Variants in EDIL3 observed in about 807,000 individuals in gnomAD.
EDIL3 encodes the protein EGF-like repeat and discoidin I-like domain-containing protein 3.
A neutral mutation model predicts 67.4 loss-of-function variants in EDIL3; 37 were observed. That is an observed-to-expected ratio of 0.55 (90% CI 0.42 to 0.72). EDIL3 has a LOEUF of 0.72. Ranked by LOEUF, EDIL3 falls within the 30% of genes least tolerant of loss-of-function variation. The probability of loss-of-function intolerance (pLI) is 0.00; values close to 1 mark genes in which losing one functional copy is unlikely to be tolerated. For synonymous variants in EDIL3, 195 were observed against 196.3 expected (o/e 0.99, Z 0.05); for missense variants, 527 against 586.3 (o/e 0.90, Z 1.04).
chr5:84,384,287 G>A (rs375147226), intron 1 of EDIL3, 21 bp downstream of exon 1: 1 of 1,604,880 alleles, frequency 6.2e-7, no homozygotes, highest in South Asian at 1.1e-5. Flanking sequence ...TCACCCAGCT[G>A]TCCGGGTCCC....
At chr5:83,954,833 C>T (rs1041766530) in intron 10 of EDIL3, among the ~76,000 whole-genome samples, 1 of 151,704 alleles carries the variant, frequency 6.6e-6, no homozygotes, top group African/African-American at 2.4e-5. Flanking sequence ...AAAATAGCAT[C>T]GTAGTTTTTT....
At chr5:84,210,644 C>T (rs1245748999) in intron 3 of EDIL3, among the ~76,000 whole-genome samples, 2 of 151,802 alleles carry the variant, frequency 1.3e-5, no homozygotes, top group African/African-American at 2.4e-5. Context: ...AATTTTTACC[C>T]ATAACTCACT....
At chr5:84,186,336 A>C (rs1250947788) in intron 3 of EDIL3, among the ~76,000 whole-genome samples, 1 of 152,064 alleles carries the variant, frequency 6.6e-6, no homozygotes, top group Non-Finnish European at 1.5e-5. Flanking sequence ...TGTTTCCCCC[A>C]CTAATTTCAG....
intron 5 of EDIL3, among the ~76,000 whole-genome samples, chr5:84,131,964 G>A (rs1047274149): frequency 4.0e-5 from 6 of 151,890 alleles, no homozygotes; most frequent in Non-Finnish European, 8.8e-5. Flanking sequence ...TGGGCACCGT[G>A]GCTCACACCT....
At chr5:84,243,369 C>T (rs1367304265) in intron 2 of EDIL3, among the ~76,000 whole-genome samples, 1 of 152,208 alleles carries the variant, frequency 6.6e-6, no homozygotes, top group Non-Finnish European at 1.5e-5. Flanking sequence ...AAGCCAGAGG[C>T]TGTGCTGTGA....
intron 9 of EDIL3, among the ~76,000 whole-genome samples, chr5:83,975,458 G>T (rs572519241): frequency 2.0e-5 from 3 of 151,864 alleles, no homozygotes; most frequent in Non-Finnish European, 2.9e-5. Context: ...ATGTATTCAA[G>T]ATTTTAAAAA....
rs183135459 is a variant in EDIL3 at position 84,046,594 on chromosome 5, A to G, written c.1137+13706T>C. Among the ~76,000 whole-genome samples, 329 of 152,344 alleles carry G rather than the reference A, an allele frequency of 2.2e-3. 3 individuals are homozygous for G. Among genetic ancestry groups the G allele is most frequent in the African/African-American group, 7.6e-3 (316 of 41,576 alleles). ...AGACAAAATGAGATTACTGATTACAATTGATTCTAATTTTATTTAAAAGCC... is the reference window on the plus strand; with the variant it reads ...AGACAAAATGAGATTACTGATTACAGTTGATTCTAATTTTATTTAAAAGCC... On this transcript the variant is annotated intron_variant, in intron 9 of 10. Transcript: ENST00000296591.
rs558768275 is a variant in EDIL3, at chr5:84,125,084, A to G, written c.469+12157T>C. ...AGAAGCAAAAGTTCTAAAAGACTAT[A>G]GGGTCTACAAATAGGAATAATGAGA... On this transcript the variant is annotated intron_variant, in intron 5 of 10. Coordinates refer to ENST00000296591, the MANE Select transcript of EDIL3 (RefSeq NM_005711.5). 2.2e-4 allele frequency among the ~76,000 whole-genome samples: 34 copies of G among 152,140 alleles called. No individual in the cohort carries two copies. The South Asian group carries it at 3.5e-3, about 16-fold the overall frequency.
intron 1 of EDIL3, among the ~76,000 whole-genome samples, chr5:84,259,136 T>C (rs1032238886): frequency 5.9e-5 from 9 of 152,038 alleles, no homozygotes; most frequent in Non-Finnish European, 1.3e-4. Flanking sequence ...ATTTTCTGTA[T>C]TTTTAGTAGA....
chr5:84,153,872 A>C (rs1390600535), intron 4 of EDIL3, among the ~76,000 whole-genome samples: 1 of 152,124 alleles, frequency 6.6e-6, no homozygotes, highest in Non-Finnish European at 1.5e-5. Context: ...ACAATCACAA[A>C]ACCTCCATGG....
chr5:84,175,710 C>A (rs1239336227), intron 4 of EDIL3, among the ~76,000 whole-genome samples: 1 of 152,144 alleles, frequency 6.6e-6, no homozygotes, highest in Non-Finnish European at 1.5e-5. Flanking sequence ...CAGGTCCAAC[C>A]AGAATTCCTC....
chr5:84,344,212 AT>A (rs1365401094), intron 1 of EDIL3, among the ~76,000 whole-genome samples: 5 of 152,030 alleles, frequency 3.3e-5, no homozygotes, highest in African/African-American at 1.2e-4. Context: ...GTTGTGAAGA[AT>A]TATGTTTATA....
chr5:84,366,238 G>A lies in EDIL3; in HGVS notation c.67+18070C>T, dbSNP rs552632301. Among the ~76,000 whole-genome samples the A allele has an allele frequency of 5.3e-5, 8 of 151,940 alleles. No homozygotes were observed. In the South Asian group the frequency reaches 6.3e-4, roughly 12 times the overall value. On this transcript the variant is annotated intron_variant, in intron 1 of 10. Coordinates refer to ENST00000296591, the MANE Select transcript of EDIL3 (RefSeq NM_005711.5). Reference sequence around the variant, plus strand: ...ACAGCACTGGAGATACTATACTGTCGCCACCAGCACCACCACCACCGTCAC... The same window carrying A: ...ACAGCACTGGAGATACTATACTGTCACCACCAGCACCACCACCACCGTCAC...
At chr5:84,122,959 C>G (rs1414195864) in intron 5 of EDIL3, among the ~76,000 whole-genome samples, 1 of 151,822 alleles carries the variant, frequency 6.6e-6, no homozygotes. Context: ...AAACTAAATT[C>G]AGAATAATTT....
intron 1 of EDIL3, among the ~76,000 whole-genome samples, chr5:84,297,920 C>T (rs1746083927): frequency 6.6e-6 from 1 of 152,116 alleles, no homozygotes; most frequent in Non-Finnish European, 1.5e-5. Context: ...AGATTTTATG[C>T]CCTGGGCTTA....
intron 9 of EDIL3, among the ~76,000 whole-genome samples, chr5:84,028,435 G>A (rs1745856409): frequency 6.6e-6 from 1 of 152,236 alleles, no homozygotes; most frequent in East Asian, 1.9e-4. Flanking sequence ...TTTAGAATCA[G>A]ACATGTAAAC....
At chr5:84,358,781 T>G (rs1269297412) in intron 1 of EDIL3, among the ~76,000 whole-genome samples, 1 of 151,880 alleles carries the variant, frequency 6.6e-6, no homozygotes, top group African/African-American at 2.4e-5. Context: ...GGCTAATTTT[T>G]TGTATTTTTT....
At chr5:84,361,104 T>A (rs564407160) in intron 1 of EDIL3, among the ~76,000 whole-genome samples, 62 of 152,182 alleles carry the variant, frequency 4.1e-4, no homozygotes, top group Non-Finnish European at 8.2e-4. Context: ...CAAGTGAGCG[T>A]TAATAAAAAA....
chr5:84,308,371 T>C lies in EDIL3; in HGVS notation c.68-54159A>G, dbSNP rs533323625. Among the ~76,000 whole-genome samples, 55 of 152,072 alleles carry C rather than the reference T, an allele frequency of 3.6e-4. No individual in the cohort carries two copies. In the South Asian group the frequency reaches 8.9e-3, roughly 25 times the overall value. ...GGAATCTGGAAGAGAGAAGCAGTGA[T>C]TGTTTGTAGGAAAGACTGTAAACCT... On this transcript the variant is annotated intron_variant, in intron 1 of 10. Transcript: ENST00000296591.
Sources: gnomAD v4.1 joint callset for allele counts (sites outside exome capture counted in the v4.1 genomes callset) on GRCh38, gnomAD v4.1.1 for gene constraint, MANE v1.5 for transcripts, NCBI Gene and HGNC (gene_info 2026-07-23, HGNC 2026-07-21) for gene names.